MAN1A2: variants seen among roughly 807,000 people sequenced by gnomAD.
MAN1A2 encodes mannosyl-oligosaccharide 1,2-alpha-mannosidase IB.
A neutral mutation model predicts 75.7 loss-of-function variants in MAN1A2; 26 were observed. The ratio of observed to expected loss-of-function variants is 0.34; its 90% CI spans 0.25 to 0.48. The LOEUF (loss-of-function observed/expected upper bound fraction) is 0.48, where lower values mean the gene tolerates loss of function less well. Among genes scored for constraint, MAN1A2 ranks in the 20% least tolerant of loss-of-function variants. The probability of loss-of-function intolerance (pLI) is 0.99; values close to 1 mark genes in which losing one functional copy is unlikely to be tolerated. For missense variants in MAN1A2, 562 were observed against 775.5 expected, an observed-to-expected ratio of 0.72 and a Z score of 3.27; for synonymous variants, 247 against 264.6, an observed-to-expected ratio of 0.93 and a Z score of 0.65.
intron 10 of MAN1A2, 34 bp downstream of exon 10, chr1:117,497,016 AAAAT>A: frequency 1.3e-6 from 2 of 1,520,666 alleles, no homozygotes; most frequent in Non-Finnish European, 1.8e-6. Context: ...TATATAGTCT[AAAAT>A]AATCTCTAAG....
chr1:117,503,355 C>T (rs1651258584), intron 12 of MAN1A2, among the ~76,000 whole-genome samples: 1 of 151,466 alleles, frequency 6.6e-6, no homozygotes, highest in African/African-American at 2.4e-5. Flanking sequence ...GTCCTGGACT[C>T]ATACCTGAGC....
intron 12 of MAN1A2, among the ~76,000 whole-genome samples, chr1:117,503,172 T>G (rs1055464379): frequency 6.6e-6 from 1 of 151,582 alleles, no homozygotes; most frequent in African/African-American, 2.4e-5. Flanking sequence ...AAAAAAGTAC[T>G]TAGTACCTGT....
chr1:117,432,219 A>G (rs1648694126), intron 5 of MAN1A2, among the ~76,000 whole-genome samples: 1 of 152,240 alleles, frequency 6.6e-6, no homozygotes, highest in South Asian at 2.1e-4. Context: ...GGTATTGCCA[A>G]TATGAGGCTA....
chr1:117,451,251 T>G (rs944858973), intron 6 of MAN1A2, among the ~76,000 whole-genome samples: 1 of 152,244 alleles, frequency 6.6e-6, no homozygotes, highest in Non-Finnish European at 1.5e-5. Context: ...CAGACTTGCA[T>G]GGGGCCTGTA....
intron 1 of MAN1A2, among the ~76,000 whole-genome samples, chr1:117,386,871 A>G (rs181662713): frequency 9.7e-5 from 14 of 144,806 alleles, no homozygotes; most frequent in African/African-American, 3.1e-4. Flanking sequence ...TGATTGTGCC[A>G]CTGTACTCCC....
chr1:117,387,230 A>C (rs1019946430), intron 1 of MAN1A2, among the ~76,000 whole-genome samples: 2 of 151,930 alleles, frequency 1.3e-5, no homozygotes, highest in African/African-American at 2.4e-5. Flanking sequence ...AAAAAAAAAA[A>C]AAAAACAAAG....
chr1:117,390,688 A>G (rs1032133815), intron 1 of MAN1A2, among the ~76,000 whole-genome samples: 1 of 151,148 alleles, frequency 6.6e-6, no homozygotes, highest in Admixed American at 6.6e-5. Flanking sequence ...CCATTTTCTT[A>G]AGTTAGAAGC....
At chr1:117,491,294 T>A (rs1180468903) in intron 8 of MAN1A2, among the ~76,000 whole-genome samples, 1 of 152,062 alleles carries the variant, frequency 6.6e-6, no homozygotes, top group Non-Finnish European at 1.5e-5. Flanking sequence ...TTGATTTTAA[T>A]TTGAAGTCAG....
At chr1:117,478,037 G>C (rs1185830209) in intron 8 of MAN1A2, among the ~76,000 whole-genome samples, 1 of 152,004 alleles carries the variant, frequency 6.6e-6, no homozygotes, top group Non-Finnish European at 1.5e-5. Context: ...ATTCACAATT[G>C]CTACAAAGAG....
chr1:117,410,045 T>G (rs1647756015), intron 3 of MAN1A2, among the ~76,000 whole-genome samples: 1 of 151,952 alleles, frequency 6.6e-6, no homozygotes, highest in African/African-American at 2.4e-5. Flanking sequence ...ATATTTAAAA[T>G]TATCTCTAGA....
intron 5 of MAN1A2, among the ~76,000 whole-genome samples, chr1:117,432,097 T>C (rs1557948305): frequency 6.6e-6 from 1 of 152,198 alleles, no homozygotes; most frequent in East Asian, 1.9e-4. Flanking sequence ...ACAAAGGAAA[T>C]TGAAAATATT....
chr1:117,421,296 T>A (rs1017799530), intron 5 of MAN1A2, among the ~76,000 whole-genome samples: 4 of 152,124 alleles, frequency 2.6e-5, no homozygotes, highest in African/African-American at 9.6e-5. Context: ...TTTGGTTTGT[T>A]GATCTAGACA....
chr1:117,386,863 A>G (rs1428286355), intron 1 of MAN1A2, among the ~76,000 whole-genome samples: 3 of 143,180 alleles, frequency 2.1e-5, no homozygotes, highest in African/African-American at 8.0e-5. Context: ...GGGAGCTATG[A>G]TTGTGCCACT....
At chr1:117,488,413 A>G (rs1213867393) in intron 8 of MAN1A2, among the ~76,000 whole-genome samples, 1 of 151,814 alleles carries the variant, frequency 6.6e-6, no homozygotes, top group Non-Finnish European at 1.5e-5. Flanking sequence ...CCAGGCTGGT[A>G]TGGAACTCCT....
intron 8 of MAN1A2, among the ~76,000 whole-genome samples, chr1:117,479,271 T>G (rs1481668481): frequency 6.6e-6 from 1 of 151,996 alleles, no homozygotes; most frequent in Non-Finnish European, 1.5e-5. Flanking sequence ...GCAAAGGACA[T>G]GATCTTGTTC....
At chr1:117,373,081 A>G (rs1653019653) in intron 1 of MAN1A2, among the ~76,000 whole-genome samples, 1 of 152,308 alleles carries the variant, frequency 6.6e-6, no homozygotes, top group African/African-American at 2.4e-5. Flanking sequence ...TATTGCACTT[A>G]AAATGTGGCT....
At chr1:117,397,057 C>T (rs1404514762) in intron 1 of MAN1A2, among the ~76,000 whole-genome samples, 1 of 148,120 alleles carries the variant, frequency 6.8e-6, no homozygotes, top group East Asian at 1.9e-4. Context: ...CAAAATGATT[C>T]CTCTTGGAAC....
chr1:117,478,292 G>A (rs532721495), intron 8 of MAN1A2, among the ~76,000 whole-genome samples: 91 of 151,874 alleles, frequency 6.0e-4, no homozygotes, highest in African/African-American at 2.2e-3. Context: ...TTTCTTAATT[G>A]TTGAGTTTTG....
At chr1:117,380,235 GA>G (rs1355568512) in intron 1 of MAN1A2, among the ~76,000 whole-genome samples, 2 of 152,160 alleles carry the variant, frequency 1.3e-5, no homozygotes, top group Non-Finnish European at 2.9e-5. Flanking sequence ...GAATAGGAAT[GA>G]ATAATCATGT....
Sources: gnomAD v4.1 joint callset for allele counts (sites outside exome capture counted in the v4.1 genomes callset) on GRCh38, gnomAD v4.1.1 for gene constraint, MANE v1.5 for transcripts, NCBI Gene and HGNC (gene_info 2026-07-23, HGNC 2026-07-21) for gene names.